TLN2: variants seen among roughly 807,000 people sequenced by gnomAD.
The protein encoded by TLN2 is talin 2, also known as talin-2.
A neutral mutation model predicts 294.7 loss-of-function variants in TLN2; 118 were observed. The ratio of observed to expected loss-of-function variants is 0.40; its 90% CI spans 0.34 to 0.47. The LOEUF (loss-of-function observed/expected upper bound fraction) is 0.47, where lower values mean the gene tolerates loss of function less well. Among genes scored for constraint, TLN2 ranks in the 20% least tolerant of loss-of-function variants. TLN2 has a pLI of 0.84. For synonymous variants in TLN2, 1,431 were observed against 1,304.5 expected (o/e 1.10, Z -2.09); for missense variants, 3,083 against 3,282.2 (o/e 0.94, Z 1.48).
chr15:62,585,196 G>A (rs985955558), intron 1 of TLN2, among the ~76,000 whole-genome samples: 2 of 152,152 alleles, frequency 1.3e-5, no homozygotes, highest in African/African-American at 2.4e-5. Flanking sequence ...TGGGGATTAC[G>A]CCAAGTAAAA....
chr15:62,725,648 A>G (rs1326998847), intron 27 of TLN2, among the ~76,000 whole-genome samples: 1 of 152,128 alleles, frequency 6.6e-6, no homozygotes, highest in Non-Finnish European at 1.5e-5. Flanking sequence ...AAATACCACC[A>G]TGTATTAAGC....
chr15:62,819,491 C>T (rs1183211826), intron 52 of TLN2, 25 bp from the exon 53 acceptor site: 1 of 1,590,004 alleles, frequency 6.3e-7, no homozygotes, highest in East Asian at 2.2e-5. Flanking sequence ...CCCCCTCATG[C>T]CTCTGACTTG....
chr15:62,490,163 T>C (rs1349309130), intron 1 of TLN2, among the ~76,000 whole-genome samples: 1 of 152,244 alleles, frequency 6.6e-6, no homozygotes, highest in Non-Finnish European at 1.5e-5. Context: ...TTTACTATTA[T>C]AAGCATTGTT....
chr15:62,474,580 G>A (rs964744113), intron 1 of TLN2, among the ~76,000 whole-genome samples: 5 of 152,164 alleles, frequency 3.3e-5, no homozygotes, highest in Admixed American at 6.5e-5. Context: ...GTTTGAGGCC[G>A]CAGTGAGCTA....
At chr15:62,699,114 G>T (rs1403201572) in intron 16 of TLN2, among the ~76,000 whole-genome samples, 2 of 152,086 alleles carry the variant, frequency 1.3e-5, no homozygotes, top group African/African-American at 2.4e-5. Flanking sequence ...CTGTGACCTG[G>T]GTTCAAACAC....
intron 1 of TLN2, among the ~76,000 whole-genome samples, chr15:62,484,684 C>T (rs2038291614): frequency 6.6e-6 from 1 of 152,138 alleles, no homozygotes. Context: ...CTCAGCCTCC[C>T]AAAGTGCTGG....
chr15:62,510,314 C>T (rs866349962), intron 1 of TLN2, among the ~76,000 whole-genome samples: 2 of 152,088 alleles, frequency 1.3e-5, no homozygotes, highest in African/African-American at 2.4e-5. Flanking sequence ...AGGGTGGGGC[C>T]CTGGGCTTTG....
chr15:62,570,524 T>C (rs1020855443), intron 1 of TLN2, among the ~76,000 whole-genome samples: 3 of 152,066 alleles, frequency 2.0e-5, no homozygotes, highest in African/African-American at 7.2e-5. Flanking sequence ...TTGTCCGTCT[T>C]TCTCTTTCTT....
chr15:62,722,700 T>TA (rs2060218693), intron 26 of TLN2, among the ~76,000 whole-genome samples: 1 of 152,220 alleles, frequency 6.6e-6, no homozygotes, highest in Admixed American at 6.5e-5. Context: ...TCAAATGCCT[T>TA]TCGTTGAACT....
intron 41 of TLN2, among the ~76,000 whole-genome samples, chr15:62,767,267 A>T (rs2141036604): frequency 1.3e-5 from 2 of 152,176 alleles, no homozygotes; most frequent in East Asian, 3.9e-4. Context: ...AAGATTTGAA[A>T]TCTCAAAGGC....
intron 3 of TLN2, among the ~76,000 whole-genome samples, chr15:62,624,237 C>T (rs956632844): frequency 6.6e-6 from 1 of 152,222 alleles, no homozygotes; most frequent in African/African-American, 2.4e-5. Flanking sequence ...CATGTGGTCA[C>T]ATTTTTTCAT....
intron 31 of TLN2, among the ~76,000 whole-genome samples, chr15:62,739,927 G>T (rs529375549): frequency 8.5e-5 from 13 of 152,064 alleles, no homozygotes; most frequent in Admixed American, 3.3e-4. Context: ...CAGATGGTCT[G>T]TGTCTAATAC....
At chr15:62,533,696 G>T (rs908343192) in intron 1 of TLN2, among the ~76,000 whole-genome samples, 35 of 152,286 alleles carry the variant, frequency 2.3e-4, no homozygotes, top group African/African-American at 8.2e-4. Context: ...ATGATGGCAG[G>T]TATTTAGATG....
intron 1 of TLN2, among the ~76,000 whole-genome samples, chr15:62,493,849 G>A (rs1404678429): frequency 6.6e-6 from 1 of 152,136 alleles, no homozygotes; most frequent in Non-Finnish European, 1.5e-5. Flanking sequence ...GACCTCAGGT[G>A]ATCCACCCAC....
chr15:62,480,787 A>G (rs989879742), intron 1 of TLN2, among the ~76,000 whole-genome samples: 4 of 152,110 alleles, frequency 2.6e-5, no homozygotes, highest in African/African-American at 9.7e-5. Context: ...AGAAGTCACA[A>G]TGTAATATAA....
rs940702292 is a variant in TLN2, at chr15:62,686,632, C to G, written c.958-9C>G. On this transcript the variant is annotated splice_polypyrimidine_tract_variant and intron_variant, in intron 11 of 58. Coordinates refer to ENST00000636159, the MANE Select transcript of TLN2 (RefSeq NM_015059.3). ...GAAGAGCACTGACTCTTGGTATCTC[C>G]TGTTTCAGGAGAAGATGAAAGGCAA... 3.7e-5 allele frequency: 59 copies of G among 1,608,932 alleles called. No homozygotes were observed. Among genetic ancestry groups the G allele is most frequent in the Non-Finnish European group, 4.8e-5 (56 of 1,177,614 alleles).
intron 1 of TLN2, among the ~76,000 whole-genome samples, chr15:62,459,299 CTTTTTT>C (rs35344244): frequency 2.3e-5 from 3 of 130,546 alleles, no homozygotes; most frequent in African/African-American, 2.9e-5. Context: ...CACGCTCGGC[CTTTTTT>C]TTTTTTTTTT....
intron 32 of TLN2, among the ~76,000 whole-genome samples, chr15:62,745,719 T>C (rs1010681707): frequency 5.3e-5 from 8 of 152,240 alleles, no homozygotes; most frequent in Non-Finnish European, 1.2e-4. Flanking sequence ...TTCTTGCGTA[T>C]TTGAGTTGCT....
Position 62,826,862 on chromosome 15 carries a change from T to TAAA in TLN2, c.7002+6256_7002+6258dup, listed in dbSNP as rs555364699. Reference sequence around the variant, plus strand: ...AATTAAATGCAAAATGTTCACACTTTAAAAAATATATATCCAAGAGGGTTT... The same window carrying TAAA: ...AATTAAATGCAAAATGTTCACACTTTAAAAAAAAATATATATCCAAGAGGGTTT... On this transcript the variant is annotated intron_variant, in intron 54 of 58. Transcript: ENST00000636159. Among the ~76,000 whole-genome samples, 1,281 of 152,304 alleles carry TAAA rather than the reference T, an allele frequency of 8.4e-3. 19 individuals are homozygous for TAAA. Among genetic ancestry groups the TAAA allele is most frequent in the African/African-American group, 0.03 (1,234 of 41,554 alleles).
Sources: allele counts gnomAD v4.1 joint callset (sites outside exome capture counted in the v4.1 genomes callset), GRCh38; gene constraint gnomAD v4.1.1; transcripts MANE v1.5; gene names NCBI Gene and HGNC (gene_info 2026-07-23, HGNC 2026-07-21).